NCKAP5: variants seen among roughly 807,000 people sequenced by gnomAD.
NCKAP5 encodes nck-associated protein 5.
In NCKAP5, 92 loss-of-function variants were observed where a neutral mutation model predicts 167.0. The ratio of observed to expected loss-of-function variants is 0.55; its 90% CI spans 0.47 to 0.66. The LOEUF is 0.66. Ranked by LOEUF, NCKAP5 falls within the 30% of genes least tolerant of loss-of-function variation. NCKAP5 has a pLI of 0.00. For synonymous variants in NCKAP5, 891 were observed against 877.4 expected (o/e 1.02, Z -0.27); for missense variants, 2,378 against 2,315.0 (o/e 1.03, Z -0.56).
At chr2:133,669,937 C>T in the NCKAP5 span, among the ~76,000 whole-genome samples, 7 of 152,166 alleles carry the variant, frequency 4.6e-5, no homozygotes, top group African/African-American at 1.2e-4. Context: ...GATGAACAGA[C>T]TGCACACAAA....
At chr2:133,571,812 T>A (rs988148417), upstream of NCKAP5, among the ~76,000 whole-genome samples, 1 of 151,984 alleles carries the variant, frequency 6.6e-6, no homozygotes, top group African/African-American at 2.4e-5. Flanking sequence ...ACTCCCCCAT[T>A]CTCATAAACA....
chr2:132,790,172 A>T lies in NCKAP5; in HGVS notation c.943T>A (p.Cys315Ser). 6.2e-7 allele frequency: 1 copy of T among 1,613,532 alleles called. No individual in the cohort carries two copies. The highest frequency in any genetic ancestry group is 1.7e-5 in the Admixed American group (1 of 59,944). The change falls in exon 13 of 20, where the codon TGC (cysteine) becomes AGC (serine). Residue 315 changes from cysteine to serine, a missense_variant. Cys to Ser is a moderately radical substitution (Grantham distance 112). Around this residue, in one of 3 missense-constraint regions of NCKAP5, gnomAD observed 1,049 missense variants for 1,023.4 expected, o/e 1.02. Transcript: ENST00000409261. ...HQLNTKSALK[C>S]PGLGAVIPGH... is the part of the protein sequence containing the mutation. ...GGGATGACAGCCCCCAAGCCAGGGC[A>T]TTTCAAGGCCGATTTTGTATTTAGT...
chr2:132,990,843 G>C (rs995511942), intron 7 of NCKAP5, among the ~76,000 whole-genome samples: 3 of 152,168 alleles, frequency 2.0e-5, no homozygotes, highest in Non-Finnish European at 4.4e-5. Flanking sequence ...AGAATGAATT[G>C]TGTTAAGCCA....
intron 18 of NCKAP5, among the ~76,000 whole-genome samples, chr2:132,726,521 G>A (rs1558975392): frequency 6.6e-6 from 1 of 152,170 alleles, no homozygotes; most frequent in Non-Finnish European, 1.5e-5. Context: ...GTGTTGAATC[G>A]AGGTTATTTG....
chr2:133,340,419 G>A (rs892725079), intron 3 of NCKAP5, among the ~76,000 whole-genome samples: 1 of 152,080 alleles, frequency 6.6e-6, no homozygotes, highest in Non-Finnish European at 1.5e-5. Context: ...TCAAACATTG[G>A]AAGACTTAGC....
At chr2:133,614,886 G>A in the NCKAP5 span, among the ~76,000 whole-genome samples, 1 of 152,150 alleles carries the variant, frequency 6.6e-6, no homozygotes, top group Non-Finnish European at 1.5e-5. Flanking sequence ...AAAATGTTAA[G>A]GGCAGCCAGA....
At chr2:133,672,922 G>T in the NCKAP5 span, among the ~76,000 whole-genome samples, 1 of 152,150 alleles carries the variant, frequency 6.6e-6, no homozygotes, top group Non-Finnish European at 1.5e-5. Flanking sequence ...TTGTGTGACT[G>T]ACTCAAAATC....
At chr2:132,684,872 C>A (rs1216305518) in intron 19 of NCKAP5, among the ~76,000 whole-genome samples, 1 of 152,154 alleles carries the variant, frequency 6.6e-6, no homozygotes, top group African/African-American at 2.4e-5. Context: ...TTCTTCCAAT[C>A]TCATTAGCCC....
intron 3 of NCKAP5, among the ~76,000 whole-genome samples, chr2:133,439,107 C>G (rs1433004730): frequency 6.6e-6 from 1 of 152,126 alleles, no homozygotes. Context: ...GAGATAGCAT[C>G]CACAGAAATT....
intron 5 of NCKAP5, among the ~76,000 whole-genome samples, chr2:133,153,708 G>A (rs138732461): frequency 2.7e-3 from 406 of 151,832 alleles, no homozygotes; most frequent in African/African-American, 9.5e-3. Flanking sequence ...ATATCTCCAT[G>A]CTTTCCTACT....
chr2:133,191,214 C>A (rs2150079406), intron 5 of NCKAP5, among the ~76,000 whole-genome samples: 1 of 152,224 alleles, frequency 6.6e-6, no homozygotes, highest in African/African-American at 2.4e-5. Flanking sequence ...AAATCAAAAC[C>A]ACAAAGAGAA....
At chr2:133,162,871 CCAAA>C (rs796710189) in intron 5 of NCKAP5, among the ~76,000 whole-genome samples, 6 of 152,046 alleles carry the variant, frequency 3.9e-5, no homozygotes, top group African/African-American at 1.4e-4. Flanking sequence ...AGTAAGATCC[CCAAA>C]CAGTCATACG....
chr2:133,334,273 G>A (rs752402016), intron 3 of NCKAP5, among the ~76,000 whole-genome samples: 94 of 152,030 alleles, frequency 6.2e-4, no homozygotes, highest in Non-Finnish European at 6.9e-4. Context: ...AGAGGATCAC[G>A]TGAATGAATA....
chr2:133,278,575 T>A (rs2089821913), intron 4 of NCKAP5, among the ~76,000 whole-genome samples: 1 of 152,188 alleles, frequency 6.6e-6, no homozygotes, highest in South Asian at 2.1e-4. Flanking sequence ...AAGTCCTTTT[T>A]GCCATGTAAA....
chr2:133,389,903 C>T (rs1307908315), intron 3 of NCKAP5, among the ~76,000 whole-genome samples: 1 of 152,144 alleles, frequency 6.6e-6, no homozygotes, highest in East Asian at 1.9e-4. Context: ...TGAAATGAAC[C>T]TTCAGAATAC....
intron 8 of NCKAP5, among the ~76,000 whole-genome samples, chr2:132,901,442 T>C (rs1693621584): frequency 6.6e-6 from 1 of 152,230 alleles, no homozygotes; most frequent in Non-Finnish European, 1.5e-5. Context: ...ATTGGAATTG[T>C]CTTTTTAAAC....
chr2:133,539,995 A>G (rs1686089715), intron 2 of NCKAP5, among the ~76,000 whole-genome samples: 1 of 152,162 alleles, frequency 6.6e-6, no homozygotes, highest in Non-Finnish European at 1.5e-5. Context: ...CCTGGCTAAC[A>G]CAGTGAAACC....
At chr2:132,940,423 T>C (rs1697207461) in intron 8 of NCKAP5, among the ~76,000 whole-genome samples, 1 of 152,168 alleles carries the variant, frequency 6.6e-6, no homozygotes, top group Non-Finnish European at 1.5e-5. Flanking sequence ...TCTAAGACTT[T>C]CATGGGGTAT....
chr2:132,944,419 G>A (rs1697537735), intron 8 of NCKAP5, among the ~76,000 whole-genome samples: 1 of 152,082 alleles, frequency 6.6e-6, no homozygotes, highest in Non-Finnish European at 1.5e-5. Flanking sequence ...CTGTGTTAAG[G>A]ACCTTAAAAT....
Sources: gnomAD v4.1 joint callset for allele counts (sites outside exome capture counted in the v4.1 genomes callset) on GRCh38, gnomAD v4.1.1 for gene constraint, gnomAD v4.1.1 regional missense constraint, MANE v1.5 for transcripts, NCBI Gene and HGNC (gene_info 2026-07-23, HGNC 2026-07-21) for gene names.